The following LYRM4 variants were observed in gnomAD, a reference collection of about 807,000 sequenced individuals.
The protein encoded by LYRM4 is LYR motif containing 4, also known as LYR motif-containing protein 4.
In LYRM4, 9 loss-of-function variants were observed where a neutral mutation model predicts 11.7. The observed-to-expected ratio is 0.77, with a 90% CI of 0.46 to 1.34. The LOEUF is 1.34. Ranked by LOEUF, LYRM4 falls within the 40% of genes most tolerant of loss-of-function variation. The probability of loss-of-function intolerance (pLI) is 0.00; values close to 1 mark genes in which losing one functional copy is unlikely to be tolerated. For synonymous variants in LYRM4, 42 were observed against 40.4 expected, an observed-to-expected ratio of 1.04 and a Z score of -0.15; for missense variants, 133 against 112.5, an observed-to-expected ratio of 1.18 and a Z score of -0.82.
intron 2 of LYRM4, among the ~76,000 whole-genome samples, chr6:5,174,500 G>A (rs879916244): frequency 1.3e-5 from 2 of 152,166 alleles, no homozygotes; most frequent in African/African-American, 2.4e-5. Context: ...AATGAAAGGG[G>A]AGAGTACTCA....
chr6:5,093,746 C>G, the LYRM4 span, among the ~76,000 whole-genome samples: 9 of 152,250 alleles, frequency 5.9e-5, no homozygotes. Context: ...CCATTACGTG[C>G]TGGCAGAGGT....
chr6:5,092,835 A>T, the LYRM4 span, among the ~76,000 whole-genome samples: 1 of 152,142 alleles, frequency 6.6e-6, no homozygotes, highest in Non-Finnish European at 1.5e-5. Context: ...GACTTCAGGC[A>T]TTTTTTTAAA....
intron 1 of LYRM4, among the ~76,000 whole-genome samples, chr6:5,226,222 G>T (rs1762885328): frequency 6.6e-6 from 1 of 152,094 alleles, no homozygotes; most frequent in Admixed American, 6.5e-5. Context: ...CTACCCTATT[G>T]TGAGATTTAA....
chr6:5,229,825 C>T (rs1309767013), intron 1 of LYRM4, among the ~76,000 whole-genome samples: 1 of 152,076 alleles, frequency 6.6e-6, no homozygotes, highest in Non-Finnish European at 1.5e-5. Context: ...AAGAAAGAAA[C>T]ATCACCATTC....
chr6:5,161,505 T>C (rs1365982567), intron 2 of LYRM4, among the ~76,000 whole-genome samples: 1 of 152,246 alleles, frequency 6.6e-6, no homozygotes, highest in Non-Finnish European at 1.5e-5. Context: ...CAAAGCAGTA[T>C]AGTACAAAAT....
At chr6:5,203,961 T>C (rs986815394) in intron 2 of LYRM4, among the ~76,000 whole-genome samples, 29 of 152,226 alleles carry the variant, frequency 1.9e-4, no homozygotes, top group South Asian at 4.1e-4. Context: ...CAGCTGTCTC[T>C]TACTTACTGA....
chr6:5,077,002 C>T, the LYRM4 span, among the ~76,000 whole-genome samples: 3 of 152,346 alleles, frequency 2.0e-5, no homozygotes, highest in Non-Finnish European at 2.9e-5. Flanking sequence ...GGAAACCTCC[C>T]TCAGGAGCTT....
At chr6:5,038,295 G>T in the LYRM4 span, among the ~76,000 whole-genome samples, 2 of 58,388 alleles carry the variant, frequency 3.4e-5, no homozygotes, top group South Asian at 7.0e-4. Flanking sequence ...GATGGCGGCC[G>T]GGCAGAGATG....
the LYRM4 span, chr6:5,066,095 A>G: frequency 2.2e-6 from 1 of 450,166 alleles, no homozygotes; most frequent in South Asian, 2.1e-5. Context: ...CGAGTAAGAT[A>G]CAGATTTTGT....
At chr6:5,084,969 C>T in the LYRM4 span, 127 of 154,980 alleles carry the variant, frequency 8.2e-4, 7 homozygotes, top group East Asian at 0.024. Flanking sequence ...GGGGGCAGAG[C>T]CGTCAGGCCA....
chr6:5,213,630 T>TC (rs1473813041), intron 2 of LYRM4, among the ~76,000 whole-genome samples: 1 of 152,130 alleles, frequency 6.6e-6, no homozygotes, highest in African/African-American at 2.4e-5. Context: ...TATGTCACGA[T>TC]CCCCATCAGA....
chr6:5,250,667 T>C (rs1315521840), intron 1 of LYRM4, among the ~76,000 whole-genome samples: 1 of 152,342 alleles, frequency 6.6e-6, no homozygotes, highest in Middle Eastern at 3.4e-3. Context: ...CAATAGTTCT[T>C]TGTAATACAG....
chr6:5,056,768 T>C, the LYRM4 span, among the ~76,000 whole-genome samples: 1 of 152,218 alleles, frequency 6.6e-6, no homozygotes, highest in Non-Finnish European at 1.5e-5. Flanking sequence ...CTGCACTTCA[T>C]TGAAGTCAGA....
chr6:5,182,177 T>C (rs886946094), intron 2 of LYRM4, among the ~76,000 whole-genome samples: 1 of 152,248 alleles, frequency 6.6e-6, no homozygotes, highest in Non-Finnish European at 1.5e-5. Flanking sequence ...TTTTTTCTTT[T>C]GTTTTTAACT....
chr6:5,235,970 C>T (rs1581572262), intron 1 of LYRM4, among the ~76,000 whole-genome samples: 1 of 150,654 alleles, frequency 6.6e-6, no homozygotes, highest in African/African-American at 2.5e-5. Flanking sequence ...TGCTTAATGC[C>T]ACTTTTTTGA....
At position 5,260,639 on chromosome 6, in the gene LYRM4, C is replaced by T; in HGVS notation, c.86+9G>A. 3 of 1,533,916 alleles carry T rather than the reference C, an allele frequency of 2.0e-6. No individual in the cohort carries two copies. Among genetic ancestry groups the T allele is most frequent in the Non-Finnish European group, 2.6e-6 (3 of 1,144,352 alleles). On this transcript the variant is annotated intron_variant, in intron 1 of 2. Transcript: ENST00000330636. ...CCCCGCCCCCGGCCCCCGGTGCCCG[C>T]TGGGTCACCTGTAATTGTAGGCGCT...
intron 1 of LYRM4, among the ~76,000 whole-genome samples, chr6:5,227,242 G>A (rs1003250895): frequency 4.6e-5 from 7 of 152,174 alleles, no homozygotes; most frequent in African/African-American, 1.4e-4. Flanking sequence ...CATGGGGTAA[G>A]AAGAGCTTGT....
At chr6:5,086,036 C>G in the LYRM4 span, 1 of 1,488,316 alleles carries the variant, frequency 6.7e-7, no homozygotes, top group African/African-American at 1.5e-5. Context: ...CTGGCCGCGG[C>G]GGCAGTGGCC....
intron 1 of LYRM4, among the ~76,000 whole-genome samples, chr6:5,224,021 C>A (rs1371860858): frequency 6.6e-6 from 1 of 152,216 alleles, no homozygotes; most frequent in Non-Finnish European, 1.5e-5. Flanking sequence ...ACCACCAACT[C>A]CGGCCATCCT....
Sources: gnomAD v4.1 joint callset for allele counts (sites outside exome capture counted in the v4.1 genomes callset) on GRCh38, gnomAD v4.1.1 for gene constraint, MANE v1.5 for transcripts, NCBI Gene and HGNC (gene_info 2026-07-23, HGNC 2026-07-21) for gene names.